CALCOCO2: variants seen among roughly 807,000 people sequenced by gnomAD.
CALCOCO2 encodes calcium binding and coiled-coil domain 2.
CALCOCO2 carries 42 observed loss-of-function variants against 62.5 expected under a neutral mutation model. The observed-to-expected ratio is 0.67, with a 90% CI of 0.53 to 0.87. The LOEUF is 0.87. Among genes scored for constraint, CALCOCO2 ranks in the 40% least tolerant of loss-of-function variants. The pLI, the probability that CALCOCO2 is intolerant of heterozygous loss-of-function variation, is 0.00. For synonymous variants in CALCOCO2, 167 were observed against 173.0 expected, an observed-to-expected ratio of 0.97 and a Z score of 0.27; for missense variants, 456 against 515.0, an observed-to-expected ratio of 0.89 and a Z score of 1.11.
intron 10 of CALCOCO2, among the ~76,000 whole-genome samples, chr17:48,859,783 A>T (rs2040301750): frequency 6.6e-6 from 1 of 152,132 alleles, no homozygotes; most frequent in Non-Finnish European, 1.5e-5. Context: ...TATAAACAAA[A>T]TGTAGTAAAT....
chr17:48,857,093 C>T (rs1288795855), intron 10 of CALCOCO2, among the ~76,000 whole-genome samples: 1 of 151,918 alleles, frequency 6.6e-6, no homozygotes, highest in Non-Finnish European at 1.5e-5. Context: ...TGACCCACCA[C>T]GCCCGGCCCA....
Position 48,851,610 on chromosome 17 carries a change from CAG to C in CALCOCO2, c.687_688del (p.Arg229SerfsTer25). 1 of 1,595,084 alleles carries C rather than the reference CAG, an allele frequency of 6.3e-7. No individual in the cohort carries two copies. Among genetic ancestry groups the C allele is most frequent in the Non-Finnish European group, 8.6e-7 (1 of 1,162,518 alleles). ...CCTCAGAAAATGAGAAGATGGGAAT[CAG>C]AGTGGATCAGCTTCAGGTAGGTAAT... ...MSSENEKMGI[R>X]VDQLQAQLST... is the part of the protein sequence containing the mutation. On this transcript the variant is annotated frameshift_variant, in exon 7 of 13. Coordinates refer to ENST00000258947, the MANE Select transcript of CALCOCO2 (RefSeq NM_005831.5). LOFTEE classifies it high-confidence loss of function.
At chr17:48,846,596 G>A (rs940266616) in intron 2 of CALCOCO2, 4 of 681,762 alleles carry the variant, frequency 5.9e-6, no homozygotes, top group African/African-American at 5.4e-5. Flanking sequence ...AGTGCATTAA[G>A]AAACTCCAGG....
rs746099370 is a variant in CALCOCO2, at chr17:48,848,316, T to G, written c.284-6T>G. 114 of 1,612,014 alleles carry G rather than the reference T, an allele frequency of 7.1e-5. No homozygotes were observed. The Admixed American group carries it at 1.9e-3, about 27-fold the overall frequency. The stretch of plus-strand genomic sequence containing the variant: ...TTTTGGATGAAAAATTATGTTGTGT[T>G]TTCAGCTTACTACCTGCCCAAGGAT... On this transcript the variant is annotated splice_region_variant and splice_polypyrimidine_tract_variant and intron_variant, in intron 3 of 12. Transcript: ENST00000258947.
At chr17:48,858,068 A>ATAGAG (rs2040269252) in intron 10 of CALCOCO2, among the ~76,000 whole-genome samples, 3 of 148,050 alleles carry the variant, frequency 2.0e-5, no homozygotes, top group Non-Finnish European at 4.5e-5. Context: ...ATAGAATAGA[A>ATAGAG]TAGAATTTTA....
chr17:48,863,125 T>A lies in CALCOCO2; in HGVS notation c.*120T>A. The A allele has an allele frequency of 1.3e-6, 1 of 762,932 alleles. No homozygotes were observed. Among genetic ancestry groups the A allele is most frequent in the Non-Finnish European group, 2.3e-6 (1 of 439,406 alleles). 47.3% of individuals were successfully genotyped at this position (762,932 alleles called of 1,614,324 possible). A position where few individuals can be genotyped will look rare whatever the true frequency, so the allele number is the denominator to read the frequency against. ...AAATTATTAGGGATTTACTCAGCCC[T>A]GCTGCCGCTAACAGTGGAGTTATGT... On this transcript the variant is annotated 3_prime_UTR_variant, in exon 13 of 13. Coordinates refer to ENST00000258947, the MANE Select transcript of CALCOCO2 (RefSeq NM_005831.5).
chr17:48,858,046 A>AAATAGAATAGAATAG (rs1555573798), intron 10 of CALCOCO2, among the ~76,000 whole-genome samples: 720 of 40,066 alleles, frequency 0.018, 119 homozygotes, highest in African/African-American at 0.041. Flanking sequence ...ATAGAATAGA[A>AAATAGAATAGAATAG]AATAGAATAG....
chr17:48,862,774 G>A (rs1397680082), intron 12 of CALCOCO2, 64 bp from the exon 13 acceptor site: 2 of 1,357,598 alleles, frequency 1.5e-6, no homozygotes, highest in African/African-American at 1.4e-5. Context: ...GTGGAAGACA[G>A]GATGGCCACA....
chr17:48,856,111 C>A lies in CALCOCO2; in HGVS notation c.932C>A (p.Ser311Ter). The change falls in exon 10 of 13, where the codon TCA (serine) becomes TAA (stop). Residue 311 changes from serine to a stop codon, truncating the protein, a stop_gained. Coordinates refer to ENST00000258947, the MANE Select transcript of CALCOCO2 (RefSeq NM_005831.5). LOFTEE classifies it high-confidence loss of function. Reference protein sequence around the residue: ...QELMDENFDLSKRLSENEIIC... With the variant: ...QELMDENFDL Reference sequence around the variant, plus strand: ...TGACAGGATGAAAACTTTGACCTGTCAAAAAGACTGAGTGAGAACGAAATT... The same window carrying A: ...TGACAGGATGAAAACTTTGACCTGTAAAAAAGACTGAGTGAGAACGAAATT... 2 of 1,592,408 alleles carry A rather than the reference C, an allele frequency of 1.3e-6. No homozygotes were observed. The highest frequency in any genetic ancestry group is 2.2e-5 in the South Asian group (2 of 89,870).
At chr17:48,845,769 C>G (rs1284274711) in intron 2 of CALCOCO2, among the ~76,000 whole-genome samples, 1 of 151,164 alleles carries the variant, frequency 6.6e-6, no homozygotes, top group Admixed American at 6.6e-5. Flanking sequence ...GAAAAATTCT[C>G]ACAGTGCAGT....
chr17:48,838,264 A>G (rs1003474408), intron 1 of CALCOCO2, among the ~76,000 whole-genome samples: 17 of 152,182 alleles, frequency 1.1e-4, no homozygotes, highest in Non-Finnish European at 2.4e-4. Flanking sequence ...GCTTTTCTAT[A>G]CAATGTCTGT....
intron 11 of CALCOCO2, among the ~76,000 whole-genome samples, chr17:48,861,659 G>A (rs867316981): frequency 1.6e-4 from 21 of 135,214 alleles, no homozygotes; most frequent in South Asian, 4.5e-4. Context: ...ATATGTGTGT[G>A]TGTATATATA....
intron 2 of CALCOCO2, among the ~76,000 whole-genome samples, chr17:48,843,253 C>T (rs1243898828): frequency 6.6e-6 from 1 of 152,102 alleles, no homozygotes; most frequent in South Asian, 2.1e-4. Flanking sequence ...GTCCCCTTTG[C>T]CCTCCCATCC....
intron 11 of CALCOCO2, among the ~76,000 whole-genome samples, chr17:48,861,730 G>T (rs1287088274): frequency 6.8e-6 from 1 of 148,146 alleles, no homozygotes; most frequent in Non-Finnish European, 1.5e-5. Context: ...ATTTTCATTT[G>T]TAATTTTATT....
chr17:48,848,947 A>G, intron 4 of CALCOCO2: 1 of 448,070 alleles, frequency 2.2e-6, no homozygotes, highest in East Asian at 6.1e-5. Flanking sequence ...CCTTGGCCTC[A>G]AGGAGCTAAG....
intron 5 of CALCOCO2, among the ~76,000 whole-genome samples, chr17:48,850,477 AATATAT>A: frequency 6.6e-6 from 1 of 151,840 alleles, no homozygotes; most frequent in Middle Eastern, 3.4e-3. Context: ...AAAAACAAAA[AATATAT>A]ATATATGCAT....
chr17:48,862,317 T>C lies in CALCOCO2; in HGVS notation c.1173+13T>C. On this transcript the variant is annotated intron_variant, in intron 12 of 12. Coordinates refer to ENST00000258947, the MANE Select transcript of CALCOCO2 (RefSeq NM_005831.5). ...TTCCCCCAGCCCGGTAAGTATTTGA[T>C]TCATGAGAATATTCCCACAAAGCAC... is the stretch of plus-strand genomic sequence containing the variant. 1 of 1,562,712 alleles carries C rather than the reference T, an allele frequency of 6.4e-7. No individual in the cohort carries two copies. Among genetic ancestry groups the C allele is most frequent in the Non-Finnish European group, 8.8e-7 (1 of 1,133,220 alleles).
At chr17:48,844,103 G>A (rs896269098) in intron 2 of CALCOCO2, 15 of 152,018 alleles carry the variant, frequency 9.9e-5, no homozygotes, top group African/African-American at 3.6e-4. Flanking sequence ...GGCTGGTCTC[G>A]AACTCCCCAC....
At chr17:48,834,469 C>A (rs1279451536) in intron 1 of CALCOCO2, among the ~76,000 whole-genome samples, 1 of 151,982 alleles carries the variant, frequency 6.6e-6, no homozygotes, top group African/African-American at 2.4e-5. Context: ...TTTTGAAAAT[C>A]CCTATTTGTT....
Sources: allele counts gnomAD v4.1 joint callset (sites outside exome capture counted in the v4.1 genomes callset), GRCh38; gene constraint gnomAD v4.1.1; transcripts MANE v1.5; gene names NCBI Gene and HGNC (gene_info 2026-07-23, HGNC 2026-07-21).